Variants in CHD7 observed in about 807,000 individuals in gnomAD.
CHD7 encodes the protein chromodomain helicase DNA binding protein 7.
CHD7 carries 24 observed loss-of-function variants against 307.3 expected under a neutral mutation model. The observed-to-expected ratio is 0.08, with a 90% CI of 0.06 to 0.11. CHD7 has a LOEUF of 0.11. Among genes scored for constraint, CHD7 ranks in the 10% least tolerant of loss-of-function variants. The pLI, the probability that CHD7 is intolerant of heterozygous loss-of-function variation, is 1.00. For synonymous variants in CHD7, 1,363 were observed against 1,349.9 expected (o/e 1.01, Z -0.21); for missense variants, 3,106 against 3,727.1 (o/e 0.83, Z 4.34).
chr8:60,709,163 G>A (rs1029800052), intron 1 of CHD7, among the ~76,000 whole-genome samples: 1 of 152,156 alleles, frequency 6.6e-6, no homozygotes, highest in Non-Finnish European at 1.5e-5. Context: ...TCCTATTAAA[G>A]GGTTAAGGTC....
intron 16 of CHD7, 87 bp downstream of exon 16, chr8:60,836,370 A>C (rs142245418): frequency 1.2e-5 from 13 of 1,076,416 alleles, no homozygotes; most frequent in Non-Finnish European, 1.7e-5. Context: ...AGTGGAATCT[A>C]TGATAAAGGG....
chr8:60,805,696 T>C (rs1812504880), intron 6 of CHD7, among the ~76,000 whole-genome samples: 1 of 152,098 alleles, frequency 6.6e-6, no homozygotes, highest in South Asian at 2.1e-4. Context: ...AATTATGGGA[T>C]GATGAGACCA....
chr8:60,726,760 A>C (rs1349153551), intron 1 of CHD7, among the ~76,000 whole-genome samples: 2 of 152,172 alleles, frequency 1.3e-5, no homozygotes, highest in South Asian at 4.1e-4. Context: ...CAAGCACCTC[A>C]TGACCACCAC....
At chr8:60,843,163 C>G (rs941842025) in intron 21 of CHD7, among the ~76,000 whole-genome samples, 3 of 152,194 alleles carry the variant, frequency 2.0e-5, no homozygotes, top group African/African-American at 7.2e-5. Flanking sequence ...TCATTGTGCC[C>G]TCAGTGTGTA....
intron 12 of CHD7, 126 bp downstream of exon 12, chr8:60,822,872 T>A: frequency 1.4e-6 from 1 of 690,472 alleles, no homozygotes; most frequent in East Asian, 2.6e-5. Flanking sequence ...GCTTTAGATA[T>A]CTGACTCAAT....
intron 5 of CHD7, 55 bp from the exon 6 acceptor site, chr8:60,801,473 T>C (rs1207100525): frequency 1.2e-5 from 16 of 1,316,400 alleles, no homozygotes; most frequent in East Asian, 2.5e-5. Flanking sequence ...CTTGCTCTTA[T>C]AGCTTAGGAT....
chr8:60,801,476 C>T, intron 5 of CHD7, 52 bp from the exon 6 acceptor site: 1 of 1,339,562 alleles, frequency 7.5e-7, no homozygotes. Context: ...GCTCTTATAG[C>T]TTAGGATGAG....
intron 19 of CHD7, among the ~76,000 whole-genome samples, chr8:60,840,010 A>G (rs779157891): frequency 6.6e-6 from 1 of 152,230 alleles, no homozygotes; most frequent in African/African-American, 2.4e-5. Flanking sequence ...GGCAGTTCAT[A>G]TAAATGGAAT....
At chr8:60,770,075 A>G (rs2150642293) in intron 2 of CHD7, among the ~76,000 whole-genome samples, 1 of 152,334 alleles carries the variant, frequency 6.6e-6, no homozygotes, top group Admixed American at 6.5e-5. Context: ...AGAGTTCTAA[A>G]ATGAGTACAT....
chr8:60,680,360 TGCGGGGCGGGCGCGGCGGC>T (rs1805544784), intron 1 of CHD7, among the ~76,000 whole-genome samples: 1 of 100,900 alleles, frequency 9.9e-6, no homozygotes, highest in South Asian at 3.2e-4. Context: ...TGGGCTGCGG[TGCGGGGCGGGCGCGGCGGC>T]GCGGGGCTGT....
intron 6 of CHD7, among the ~76,000 whole-genome samples, chr8:60,802,402 A>G (rs1232197094): frequency 6.6e-6 from 1 of 152,236 alleles, no homozygotes; most frequent in Non-Finnish European, 1.5e-5. Flanking sequence ...GTCTCTAGGA[A>G]GTAGTCTCCT....
chr8:60,772,214 C>G (rs1198990632), intron 2 of CHD7, among the ~76,000 whole-genome samples: 1 of 152,162 alleles, frequency 6.6e-6, no homozygotes, highest in Non-Finnish European at 1.5e-5. Context: ...TATCACTATG[C>G]TCCTTATAAA....
intron 5 of CHD7, among the ~76,000 whole-genome samples, chr8:60,801,323 A>C (rs955708125): frequency 1.1e-4 from 16 of 152,212 alleles, no homozygotes; most frequent in African/African-American, 3.9e-4. Flanking sequence ...CCATATAATC[A>C]TGAAGTAATA....
At chr8:60,696,844 T>G (rs79223473) in intron 1 of CHD7, among the ~76,000 whole-genome samples, 2 of 143,018 alleles carry the variant, frequency 1.4e-5, no homozygotes, top group South Asian at 4.3e-4. Flanking sequence ...ATTTTGCATG[T>G]TTTTTTTTTT....
chr8:60,693,807 G>T (rs1452221136), intron 1 of CHD7, among the ~76,000 whole-genome samples: 1 of 152,232 alleles, frequency 6.6e-6, no homozygotes, highest in Admixed American at 6.5e-5. Context: ...TGTTATATCC[G>T]AGGGAAAGTG....
chr8:60,805,220 G>A (rs774233645), intron 6 of CHD7, among the ~76,000 whole-genome samples: 1 of 152,134 alleles, frequency 6.6e-6, no homozygotes, highest in African/African-American at 2.4e-5. Context: ...GAGGGCTTAT[G>A]AATTCACACA....
intron 2 of CHD7, among the ~76,000 whole-genome samples, chr8:60,776,512 C>T (rs1586308971): frequency 6.6e-6 from 1 of 152,182 alleles, no homozygotes; most frequent in East Asian, 1.9e-4. Context: ...GTTCCTCTGC[C>T]TCCCCCTCTC....
chr8:60,738,551 G>A (rs747613190), intron 1 of CHD7, among the ~76,000 whole-genome samples: 15 of 152,064 alleles, frequency 9.9e-5, no homozygotes, highest in African/African-American at 3.6e-4. Flanking sequence ...ATGCAGCTGC[G>A]ACTTGGGAAA....
At chr8:60,750,156 A>T (rs1809563896) in intron 2 of CHD7, among the ~76,000 whole-genome samples, 2 of 152,152 alleles carry the variant, frequency 1.3e-5, no homozygotes. Flanking sequence ...AGGTGATAAG[A>T]ATTTAGTTTG....
Sources: allele counts gnomAD v4.1 joint callset (sites outside exome capture counted in the v4.1 genomes callset), GRCh38; gene constraint gnomAD v4.1.1; transcripts MANE v1.5; gene names NCBI Gene and HGNC (gene_info 2026-07-23, HGNC 2026-07-21).